Variants in AAK1 observed in about 807,000 individuals in gnomAD.
AAK1 encodes the protein AP2 associated kinase 1, also known as AP2-associated protein kinase 1.
AAK1 carries 37 observed loss-of-function variants against 116.0 expected under a neutral mutation model. That is an observed-to-expected ratio of 0.32 (90% CI 0.25 to 0.42). The LOEUF (loss-of-function observed/expected upper bound fraction) is 0.42. AAK1 is among the 10% of genes least tolerant of loss of function. AAK1 has a pLI of 1.00. For missense variants in AAK1, 919 were observed against 1,170.6 expected (o/e 0.79, Z 3.14); for synonymous variants, 458 against 439.9 (o/e 1.04, Z -0.51).
intron 5 of AAK1, 111 bp from the exon 6 acceptor site, chr2:69,532,273 T>G: frequency 7.5e-7 from 1 of 1,342,270 alleles, no homozygotes; most frequent in Non-Finnish European, 1.0e-6. Context: ...GTCTCATTAA[T>G]GTGCACAGGG....
At chr2:69,572,269 C>T (rs1672119485) in intron 2 of AAK1, among the ~76,000 whole-genome samples, 1 of 152,160 alleles carries the variant, frequency 6.6e-6, no homozygotes, top group African/African-American at 2.4e-5. Context: ...AACACTGTTA[C>T]TGATCCTGTC....
Position 69,465,452 on chromosome 2 carries a change from G to A in AAK1, c.*10417C>T. The A allele has an allele frequency of 1.6e-6, 2 of 1,290,146 alleles. No homozygotes were observed. The highest frequency in any genetic ancestry group is 2.0e-6 in the Non-Finnish European group (2 of 988,276). The allele number at this position is 1,290,146 out of a possible 1,614,324, so 79.9% of individuals were successfully genotyped here. A position where few individuals can be genotyped will look rare whatever the true frequency, so the allele number is the denominator to read the frequency against. ...AGGGTTTCTTGCCTGATTTTGAAGG[G>A]AAGGGTGCTAGAGCAAATGGATCAG... is the stretch of plus-strand genomic sequence containing the variant. On this transcript the variant is annotated 3_prime_UTR_variant, in exon 22 of 22. Coordinates refer to ENST00000409085, the MANE Select transcript of AAK1 (RefSeq NM_014911.5).
chr2:69,626,864 C>T (rs1172435384), intron 2 of AAK1, among the ~76,000 whole-genome samples: 1 of 152,004 alleles, frequency 6.6e-6, no homozygotes. Flanking sequence ...CTGATTCTAC[C>T]GTCAATCATT....
At chr2:69,641,200 C>A (rs1559026347) in intron 2 of AAK1, among the ~76,000 whole-genome samples, 3 of 152,234 alleles carry the variant, frequency 2.0e-5, no homozygotes, top group Admixed American at 1.3e-4. Flanking sequence ...CGTGATGAGA[C>A]AACATCCTAG....
Position 69,468,413 on chromosome 2 carries a change from C to T in AAK1, c.*7456G>A, listed in dbSNP as rs1008227454. On this transcript the variant is annotated 3_prime_UTR_variant, in exon 22 of 22. Transcript: ENST00000409085. ...AGGGCCCTAAAACTCCTTGAACCAC[C>T]TTCCTCACATAGTATCAGTTGGACA... 7.1e-6 allele frequency: 7 copies of T among 985,288 alleles called. No homozygotes were observed. The African/African-American group carries it at 8.7e-5, about 12-fold the overall frequency. 61.0% of individuals were successfully genotyped at this position (985,288 alleles called of 1,614,324 possible). A position where few individuals can be genotyped will look rare whatever the true frequency, so the allele number is the denominator to read the frequency against.
intron 5 of AAK1, among the ~76,000 whole-genome samples, chr2:69,536,544 G>C (rs1014807238): frequency 6.6e-6 from 1 of 152,124 alleles, no homozygotes; most frequent in Non-Finnish European, 1.5e-5. Context: ...TTTGCATAGG[G>C]ACTTTGTTTT....
intron 17 of AAK1, among the ~76,000 whole-genome samples, chr2:69,490,656 G>T (rs1016492163): frequency 6.6e-6 from 1 of 151,946 alleles, no homozygotes; most frequent in South Asian, 2.1e-4. Context: ...CAGGGGCTGG[G>T]GGGAGGGGAA....
chr2:69,566,904 T>G (rs1671893155), intron 2 of AAK1, among the ~76,000 whole-genome samples: 1 of 152,040 alleles, frequency 6.6e-6, no homozygotes, highest in Non-Finnish European at 1.5e-5. Context: ...TTTGCCGTAC[T>G]GCTGCCACAG....
At position 69,468,630 on chromosome 2, in the gene AAK1, A is replaced by C. The variant is rs1674570103; in HGVS notation, c.*7239T>G. 1.0e-6 allele frequency: 1 copy of C among 985,464 alleles called. No homozygotes were observed. Among genetic ancestry groups the C allele is most frequent in the Non-Finnish European group, 1.2e-6 (1 of 829,930 alleles). 61.0% of individuals were successfully genotyped at this position (985,464 alleles called of 1,614,324 possible). Reference sequence around the variant, plus strand: ...ATCCAATGAACACTAGTTTGAACAGAGTCAGTGTTTTTTGGAAATTTAAAC... The same window carrying C: ...ATCCAATGAACACTAGTTTGAACAGCGTCAGTGTTTTTTGGAAATTTAAAC... On this transcript the variant is annotated 3_prime_UTR_variant, in exon 22 of 22. Coordinates refer to ENST00000409085, the MANE Select transcript of AAK1 (RefSeq NM_014911.5).
chr2:69,634,994 T>C (rs911834558), intron 2 of AAK1, among the ~76,000 whole-genome samples: 1 of 152,194 alleles, frequency 6.6e-6, no homozygotes, highest in African/African-American at 2.4e-5. Context: ...TTTATTTTCA[T>C]TTTAAAAAGT....
At chr2:69,639,564 A>G (rs1397791937) in intron 2 of AAK1, among the ~76,000 whole-genome samples, 3 of 152,170 alleles carry the variant, frequency 2.0e-5, no homozygotes, top group Non-Finnish European at 2.9e-5. Flanking sequence ...TGATGCTACC[A>G]GGGGAGGTAT....
At chr2:69,589,832 C>A (rs1332102301) in intron 2 of AAK1, among the ~76,000 whole-genome samples, 1 of 151,736 alleles carries the variant, frequency 6.6e-6, no homozygotes, top group Non-Finnish European at 1.5e-5. Flanking sequence ...CGTTCAGGTA[C>A]AGATAACAAA....
intron 2 of AAK1, among the ~76,000 whole-genome samples, chr2:69,576,913 T>C (rs979544594): frequency 6.6e-6 from 1 of 152,156 alleles, no homozygotes; most frequent in African/African-American, 2.4e-5. Flanking sequence ...GAAACATACA[T>C]GCAATATCAT....
chr2:69,473,456 C>T lies in AAK1; in HGVS notation c.*2413G>A. ...GTTCCTTAACAGAAAAATAGTTCTC[C>T]CCTTTGAGGAGGCCTTACTCTAAAT... On this transcript the variant is annotated 3_prime_UTR_variant, in exon 22 of 22. Transcript: ENST00000409085. The T allele has an allele frequency of 1.0e-6, 1 of 985,400 alleles. No individual in the cohort carries two copies. 61.0% of individuals were successfully genotyped at this position (985,400 alleles called of 1,614,324 possible). A position where few individuals can be genotyped will look rare whatever the true frequency, so the allele number is the denominator to read the frequency against.
chr2:69,530,428 G>A (rs1180342277), intron 7 of AAK1, among the ~76,000 whole-genome samples, 197 bp downstream of exon 7: 1 of 152,156 alleles, frequency 6.6e-6, no homozygotes, highest in Non-Finnish European at 1.5e-5. Context: ...AATTTTCACA[G>A]AGCTTGGAAG....
intron 2 of AAK1, among the ~76,000 whole-genome samples, chr2:69,590,468 G>A (rs1008605552): frequency 6.6e-6 from 1 of 152,170 alleles, no homozygotes; most frequent in Middle Eastern, 3.2e-3. Context: ...CTGCCATTCC[G>A]CAGTGCCTGT....
chr2:69,492,816 G>A lies in AAK1; in HGVS notation c.2365+3169C>T, dbSNP rs527645176. Among the ~76,000 whole-genome samples the A allele has an allele frequency of 7.9e-5, 12 of 152,050 alleles. No homozygotes were observed. The South Asian group carries it at 2.3e-3, about 29-fold the overall frequency. On this transcript the variant is annotated intron_variant, in intron 17 of 21. Coordinates refer to ENST00000409085, the MANE Select transcript of AAK1 (RefSeq NM_014911.5). ...TGGTATTACAGGTGTCAGCTACCAC[G>A]CCCAGCCTTTCATGATTCTTATCAT...
intron 12 of AAK1, among the ~76,000 whole-genome samples, chr2:69,518,529 C>T (rs1265422144): frequency 6.6e-6 from 1 of 150,390 alleles, no homozygotes; most frequent in Admixed American, 6.7e-5. Context: ...AGCGATTCTT[C>T]TGCCTCAGCT....
chr2:69,476,964 C>G lies in AAK1; in HGVS notation c.2707G>C (p.Gly903Arg). The G allele has an allele frequency of 6.2e-7, 1 of 1,613,012 alleles. No individual in the cohort carries two copies. Among genetic ancestry groups the G allele is most frequent in the South Asian group, 1.1e-5 (1 of 90,866 alleles). ...TCCGAGCCCTCAGGGACATCAAAAC[C>G]TGAGATGAGATTACTATCTTCTGCA... ...KAAEDSNLIS[G>R]FDVPEGSDKV... Residue 903 changes from glycine to arginine, a missense_variant, in exon 21 of 22, where the codon GGT becomes CGT. Physicochemically the swap from Gly to Arg is moderately radical, Grantham distance 125. This residue lies in a region of AAK1 where 263 missense variants were observed against 285.5 expected (regional missense o/e 0.92). Transcript: ENST00000409085.
Sources: allele counts gnomAD v4.1 joint callset (sites outside exome capture counted in the v4.1 genomes callset), GRCh38; gene constraint gnomAD v4.1.1; regional missense constraint gnomAD v4.1.1; transcripts MANE v1.5; gene names NCBI Gene and HGNC (gene_info 2026-07-23, HGNC 2026-07-21).